Variants in ADGRV1 observed in about 807,000 individuals in gnomAD.
The protein encoded by ADGRV1 is G-protein coupled receptor 98.
Under a neutral mutation model 596.2 loss-of-function variants are expected in ADGRV1, and 359 were observed. The ratio of observed to expected loss-of-function variants is 0.60; its 90% CI spans 0.55 to 0.66. The LOEUF (loss-of-function observed/expected upper bound fraction) is 0.66, where lower values mean the gene tolerates loss of function less well. Among genes scored for constraint, ADGRV1 ranks in the 30% least tolerant of loss-of-function variants. The pLI is 0.00. For synonymous variants in ADGRV1, 2,681 were observed against 2,679.2 expected (o/e 1.00, Z -0.02); for missense variants, 7,274 against 7,575.6 (o/e 0.96, Z 1.48).
chr5:91,030,991 T>G, intron 85 of ADGRV1: 1 of 1,392,214 alleles, frequency 7.2e-7, no homozygotes, highest in East Asian at 2.5e-5. Context: ...ATTTTATATG[T>G]CAATCAGTTG....
intron 85 of ADGRV1, among the ~76,000 whole-genome samples, chr5:91,022,777 T>A (rs556611295): frequency 9.9e-5 from 15 of 152,252 alleles, no homozygotes; most frequent in Non-Finnish European, 1.2e-4. Flanking sequence ...GCTTGATTAC[T>A]TGTGGGGAAA....
intron 50 of ADGRV1, among the ~76,000 whole-genome samples, chr5:90,737,877 A>G (rs1032004457): frequency 6.6e-6 from 1 of 151,820 alleles, no homozygotes; most frequent in Non-Finnish European, 1.5e-5. Context: ...TTTTTAATAC[A>G]TTAAGCCATT....
At chr5:90,636,792 T>A (rs1452245846) in intron 10 of ADGRV1, among the ~76,000 whole-genome samples, 2 of 151,998 alleles carry the variant, frequency 1.3e-5, no homozygotes. Flanking sequence ...GAAAATGTCT[T>A]GTTTTTTTTT....
intron 50 of ADGRV1, among the ~76,000 whole-genome samples, chr5:90,733,127 A>G (rs2149837585): frequency 6.6e-6 from 1 of 152,364 alleles, no homozygotes; most frequent in African/African-American, 2.4e-5. Flanking sequence ...TGTGAGAAAG[A>G]GAAATTAGAA....
rs763862349 is a variant in ADGRV1, at chr5:90,642,621, C to A, written c.2241-15C>A. Reference sequence around the variant, plus strand: ...TGGAAGTAGCGGGTGCCATTTGTCTCTCTGACTTCTCTAGGGTTAACGTGG... The same window carrying A: ...TGGAAGTAGCGGGTGCCATTTGTCTATCTGACTTCTCTAGGGTTAACGTGG... On this transcript the variant is annotated splice_polypyrimidine_tract_variant and intron_variant, in intron 11 of 89. Coordinates refer to ENST00000405460, the MANE Select transcript of ADGRV1 (RefSeq NM_032119.4). 2.5e-6 allele frequency: 4 copies of A among 1,607,738 alleles called. No individual in the cohort carries two copies. The South Asian group carries it at 3.4e-5, about 14-fold the overall frequency.
At chr5:90,841,460 G>A (rs2150361677) in intron 78 of ADGRV1, among the ~76,000 whole-genome samples, 1 of 152,160 alleles carries the variant, frequency 6.6e-6, no homozygotes, top group Non-Finnish European at 1.5e-5. Flanking sequence ...AACTTTCACA[G>A]AAAAGAAAAA....
intron 85 of ADGRV1, among the ~76,000 whole-genome samples, chr5:91,068,281 C>T (rs1267061209): frequency 6.6e-6 from 1 of 151,424 alleles, no homozygotes; most frequent in Non-Finnish European, 1.5e-5. Context: ...ATGGTGAAAC[C>T]CCATCTCTAC....
At chr5:90,715,565 A>C (rs545260865) in intron 42 of ADGRV1, among the ~76,000 whole-genome samples, 9 of 152,244 alleles carry the variant, frequency 5.9e-5, no homozygotes, top group African/African-American at 1.9e-4. Flanking sequence ...TATACATTAA[A>C]ATTTTGTGAT....
intron 83 of ADGRV1, among the ~76,000 whole-genome samples, chr5:90,945,671 G>A (rs1465341469): frequency 6.6e-6 from 1 of 152,150 alleles, no homozygotes; most frequent in Non-Finnish European, 1.5e-5. Flanking sequence ...TGTGCTGGGT[G>A]CTGAAGTTAT....
chr5:90,608,369 A>C (rs538600670), intron 1 of ADGRV1, among the ~76,000 whole-genome samples: 1 of 152,222 alleles, frequency 6.6e-6, no homozygotes, highest in South Asian at 2.1e-4. Flanking sequence ...TCCAAGATGC[A>C]TCATTCTGAA....
intron 59 of ADGRV1, among the ~76,000 whole-genome samples, chr5:90,764,978 G>A (rs777442934): frequency 6.6e-6 from 1 of 152,090 alleles, no homozygotes; most frequent in African/African-American, 2.4e-5. Context: ...TTGGCAGTCA[G>A]GAGATTGTCA....
chr5:91,072,357 G>C, intron 85 of ADGRV1, 90 bp from the exon 86 acceptor site: 1 of 1,138,666 alleles, frequency 8.8e-7, no homozygotes, highest in Non-Finnish European at 1.3e-6. Flanking sequence ...GATACAAAGA[G>C]CTAGTATAAA....
At chr5:90,769,310 T>C (rs1362135601) in intron 59 of ADGRV1, among the ~76,000 whole-genome samples, 2 of 152,160 alleles carry the variant, frequency 1.3e-5, no homozygotes, top group Admixed American at 6.6e-5. Context: ...TTCTACCCAT[T>C]CCTGTTTCCT....
At chr5:90,695,848 G>A (rs1287996501) in intron 33 of ADGRV1, among the ~76,000 whole-genome samples, 1 of 152,058 alleles carries the variant, frequency 6.6e-6, no homozygotes, top group Non-Finnish European at 1.5e-5. Context: ...ATTTCAAAAG[G>A]AATAATGAAA....
chr5:90,844,720 C>CAGA (rs1765715751), intron 78 of ADGRV1, among the ~76,000 whole-genome samples: 1 of 152,112 alleles, frequency 6.6e-6, no homozygotes. Flanking sequence ...CTTGAAAGAG[C>CAGA]ACAGGAATAA....
chr5:90,794,620 G>A (rs2438361), intron 70 of ADGRV1, among the ~76,000 whole-genome samples: 34,273 of 152,052 alleles, frequency 0.23, 7,692 homozygotes, highest in African/African-American at 0.58. Flanking sequence ...TGTGCACAGG[G>A]TGTTAAGGTA....
intron 78 of ADGRV1, among the ~76,000 whole-genome samples, chr5:90,843,470 T>C (rs1169038395): frequency 6.6e-6 from 1 of 152,118 alleles, no homozygotes; most frequent in Non-Finnish European, 1.5e-5. Context: ...GAAAGCAAAA[T>C]AGAGCTGAAC....
At chr5:91,102,403 T>A in intron 87 of ADGRV1, 63 bp downstream of exon 87, 1 of 1,427,078 alleles carries the variant, frequency 7.0e-7, no homozygotes. Context: ...AGGCATAGAA[T>A]TTCAATATTA....
chr5:90,671,689 T>C (rs1016408771), intron 21 of ADGRV1, among the ~76,000 whole-genome samples: 6 of 152,222 alleles, frequency 3.9e-5, no homozygotes, highest in African/African-American at 1.4e-4. Context: ...ATTTTATATA[T>C]TAAAACTTGT....
Sources: gnomAD v4.1 joint callset for allele counts (sites outside exome capture counted in the v4.1 genomes callset) on GRCh38, gnomAD v4.1.1 for gene constraint, MANE v1.5 for transcripts, NCBI Gene and HGNC (gene_info 2026-07-23, HGNC 2026-07-21) for gene names.